ZFAND3: variants seen among roughly 807,000 people sequenced by gnomAD.
ZFAND3 encodes AN1-type zinc finger protein 3.
ZFAND3 carries 10 observed loss-of-function variants against 29.6 expected under a neutral mutation model. That is an observed-to-expected ratio of 0.34 (90% confidence interval 0.21 to 0.57). ZFAND3 has a LOEUF of 0.57. Among genes scored for constraint, ZFAND3 ranks in the 20% least tolerant of loss-of-function variants. The probability of loss-of-function intolerance (pLI) is 0.86; values close to 1 mark genes in which losing one functional copy is unlikely to be tolerated. For missense variants in ZFAND3, 230 were observed against 304.5 expected (o/e 0.76, Z 1.82); for synonymous variants, 128 against 112.6 (o/e 1.14, Z -0.87).
At chr6:38,083,429 C>A (rs186058275) in intron 4 of ZFAND3, among the ~76,000 whole-genome samples, 4 of 151,986 alleles carry the variant, frequency 2.6e-5, no homozygotes, top group African/African-American at 9.7e-5. Flanking sequence ...CTCTTGTGCC[C>A]GGTTCCCAAG....
intron 4 of ZFAND3, among the ~76,000 whole-genome samples, chr6:38,102,760 T>C (rs527805892): frequency 6.6e-6 from 1 of 152,280 alleles, no homozygotes; most frequent in African/African-American, 2.4e-5. Flanking sequence ...GTTTAACTTT[T>C]TTGTTTGTTT....
chr6:37,970,115 AAAAT>A (rs937540783), intron 2 of ZFAND3, among the ~76,000 whole-genome samples: 44 of 152,204 alleles, frequency 2.9e-4, no homozygotes, highest in South Asian at 2.5e-3. Flanking sequence ...GTGACAGAGC[AAAAT>A]AAATAAATAA....
At chr6:37,972,121 T>C (rs1304624940) in intron 2 of ZFAND3, among the ~76,000 whole-genome samples, 1 of 152,222 alleles carries the variant, frequency 6.6e-6, no homozygotes, top group African/African-American at 2.4e-5. Flanking sequence ...TTAAACAGCC[T>C]CTCTCCTATT....
At position 38,046,050 on chromosome 6, in the gene ZFAND3, C is replaced by T. The variant is rs148062953; in HGVS notation, c.113-15543C>T. Reference sequence around the variant, plus strand: ...CATCCCTCATTATAGAAGCCAAGGGCGTTATATTTGAAAAATAAGTACCGG... The same window carrying T: ...CATCCCTCATTATAGAAGCCAAGGGTGTTATATTTGAAAAATAAGTACCGG... On this transcript the variant is annotated intron_variant, in intron 2 of 5. Coordinates refer to ENST00000287218, the MANE Select transcript of ZFAND3 (RefSeq NM_021943.3). Among the ~76,000 whole-genome samples, 1,235 of 152,196 alleles carry T rather than the reference C, an allele frequency of 8.1e-3. 9 individuals carry two copies. Among genetic ancestry groups the T allele is most frequent in the Non-Finnish European group, 0.013 (883 of 68,006 alleles).
chr6:38,013,403 C>G (rs73417963), intron 2 of ZFAND3, among the ~76,000 whole-genome samples: 1 of 152,116 alleles, frequency 6.6e-6, no homozygotes. Context: ...CAAATACATT[C>G]CATGTTCTTA....
At chr6:38,133,673 C>A (rs1000593445) in intron 5 of ZFAND3, among the ~76,000 whole-genome samples, 1 of 151,878 alleles carries the variant, frequency 6.6e-6, no homozygotes, top group Non-Finnish European at 1.5e-5. Context: ...TGGCGTGAAC[C>A]CGGGAGGCAG....
chr6:38,089,994 C>T (rs905445885), intron 4 of ZFAND3, among the ~76,000 whole-genome samples: 7 of 152,168 alleles, frequency 4.6e-5, no homozygotes, highest in Non-Finnish European at 1.0e-4. Context: ...GCTGGGACTA[C>T]AGGTGCGTGC....
intron 4 of ZFAND3, among the ~76,000 whole-genome samples, chr6:38,088,878 C>G (rs2127473156): frequency 6.6e-6 from 1 of 152,318 alleles, no homozygotes; most frequent in East Asian, 1.9e-4. Flanking sequence ...GCAGATGAGA[C>G]TAAGAACTGT....
chr6:38,036,487 A>C (rs531330213), intron 2 of ZFAND3, among the ~76,000 whole-genome samples: 14 of 152,348 alleles, frequency 9.2e-5, no homozygotes, highest in Admixed American at 3.3e-4. Flanking sequence ...AAAACTAGAA[A>C]GTGTGACCAC....
At chr6:37,871,045 C>A (rs1472727883) in intron 1 of ZFAND3, among the ~76,000 whole-genome samples, 1 of 152,150 alleles carries the variant, frequency 6.6e-6, no homozygotes, top group Non-Finnish European at 1.5e-5. Flanking sequence ...AAATTTTGGT[C>A]ATTATTTCTC....
At chr6:37,916,147 A>G (rs1761249963) in intron 1 of ZFAND3, among the ~76,000 whole-genome samples, 1 of 152,054 alleles carries the variant, frequency 6.6e-6, no homozygotes, top group African/African-American at 2.4e-5. Context: ...TCCCAAAACA[A>G]TGACAATAGA....
intron 2 of ZFAND3, among the ~76,000 whole-genome samples, chr6:37,938,139 GT>G (rs1761737354): frequency 6.6e-6 from 1 of 152,070 alleles, no homozygotes. Context: ...TTATGATTCT[GT>G]TTTTAAAATG....
At chr6:37,835,042 A>G (rs1763941847) in intron 1 of ZFAND3, among the ~76,000 whole-genome samples, 1 of 152,170 alleles carries the variant, frequency 6.6e-6, no homozygotes, top group African/African-American at 2.4e-5. Flanking sequence ...TGACTAACAA[A>G]ATAGAGCATC....
At chr6:38,029,777 T>A (rs1763516123) in intron 2 of ZFAND3, among the ~76,000 whole-genome samples, 2 of 152,104 alleles carry the variant, frequency 1.3e-5, no homozygotes, top group South Asian at 4.1e-4. Context: ...GTAACGGCAA[T>A]CCTCATGCAT....
chr6:37,898,376 A>G (rs1765258268), intron 1 of ZFAND3, among the ~76,000 whole-genome samples: 1 of 152,216 alleles, frequency 6.6e-6, no homozygotes, highest in Non-Finnish European at 1.5e-5. Context: ...CTGTTTCTAC[A>G]TCAGTGACAT....
intron 2 of ZFAND3, among the ~76,000 whole-genome samples, chr6:38,045,320 C>T (rs1372756573): frequency 6.6e-6 from 1 of 151,946 alleles, no homozygotes; most frequent in East Asian, 1.9e-4. Flanking sequence ...AACTCCTGAC[C>T]TCAAGTGATC....
chr6:38,108,187 T>C (rs1203144957), intron 4 of ZFAND3, among the ~76,000 whole-genome samples: 3 of 152,218 alleles, frequency 2.0e-5, no homozygotes, highest in Non-Finnish European at 4.4e-5. Flanking sequence ...GATATCTGTG[T>C]ATTCCAGGAT....
intron 1 of ZFAND3, among the ~76,000 whole-genome samples, chr6:37,851,150 T>C (rs1473054477): frequency 2.6e-5 from 4 of 151,560 alleles, no homozygotes; most frequent in African/African-American, 4.9e-5. Flanking sequence ...TTTTATCGTT[T>C]TCTTTTTTTT....
At chr6:37,878,655 G>A (rs1374934619) in intron 1 of ZFAND3, among the ~76,000 whole-genome samples, 3 of 152,204 alleles carry the variant, frequency 2.0e-5, no homozygotes, top group Admixed American at 2.0e-4. Flanking sequence ...TGTCCTGCTG[G>A]TTGTGTAGTT....
Sources: allele counts gnomAD v4.1 joint callset (sites outside exome capture counted in the v4.1 genomes callset), GRCh38; gene constraint gnomAD v4.1.1; transcripts MANE v1.5; gene names NCBI Gene and HGNC (gene_info 2026-07-23, HGNC 2026-07-21).